Variants in PDPR observed in about 807,000 individuals in gnomAD.
PDPR encodes pyruvate dehydrogenase phosphatase regulatory subunit, mitochondrial.
In PDPR, 50 loss-of-function variants were observed where a neutral mutation model predicts 102.2. The observed-to-expected ratio is 0.49, with a 90% confidence interval of 0.39 to 0.62. PDPR has a LOEUF of 0.62. Among genes scored for constraint, PDPR ranks in the 20% least tolerant of loss-of-function variants. The pLI, the probability that PDPR is intolerant of heterozygous loss-of-function variation, is 0.00. For missense variants in PDPR, 625 were observed against 1,098.2 expected (o/e 0.57, Z 6.09); for synonymous variants, 259 against 406.0 (o/e 0.64, Z 4.35).
chr16:70,148,617 C>G, intron 17 of PDPR, 64 bp downstream of exon 17: 1 of 1,356,110 alleles, frequency 7.4e-7, no homozygotes, highest in Non-Finnish European at 1.0e-6. Flanking sequence ...CTTCCCTTCC[C>G]ACAACCACTG....
intron 18 of PDPR, among the ~76,000 whole-genome samples, chr16:70,153,843 G>A (rs1234967785): frequency 1.3e-5 from 2 of 152,242 alleles, no homozygotes; most frequent in Non-Finnish European, 2.9e-5. Flanking sequence ...TCAGGAGTTC[G>A]AGACCAGCCT....
chr16:70,131,280 A>G (rs1964510345), intron 7 of PDPR, 22 bp from the exon 8 acceptor site: 1 of 1,498,828 alleles, frequency 6.7e-7, no homozygotes, highest in Non-Finnish European at 9.1e-7. Context: ...TCCCACCCAC[A>G]AATCAACCTG....
chr16:70,131,851 A>T (rs1398695984), intron 8 of PDPR: 4 of 1,419,374 alleles, frequency 2.8e-6, no homozygotes. Context: ...CTCTCTGTTA[A>T]ACTTTCGCTT....
At chr16:70,114,279 C>G (rs1962401147), upstream of PDPR, 1 of 152,176 alleles carries the variant, frequency 6.6e-6, no homozygotes, top group African/African-American at 2.4e-5. Flanking sequence ...CGCGGAAGGT[C>G]GCGGTCTCGG....
At chr16:70,132,393 T>G in intron 9 of PDPR, 93 bp downstream of exon 9, 1 of 1,301,352 alleles carries the variant, frequency 7.7e-7, no homozygotes, top group Non-Finnish European at 1.1e-6. Flanking sequence ...TTGTTTAATG[T>G]TTATAACATC....
intron 9 of PDPR, among the ~76,000 whole-genome samples, chr16:70,133,768 T>C (rs1184411277): frequency 1.3e-5 from 2 of 151,092 alleles, no homozygotes; most frequent in Non-Finnish European, 2.9e-5. Flanking sequence ...AGTTTCACTC[T>C]TGTTGCCCAG....
At position 70,156,621 on chromosome 16, in the gene PDPR, G is replaced by A; in HGVS notation, c.2382G>A (p.Gln794=). Residue 794 remains glutamine, a synonymous_variant, in exon 19 of 19, where the codon CAG becomes CAA. Coordinates refer to ENST00000288050, the MANE Select transcript of PDPR (RefSeq NM_017990.5). ...WWGEPIYRNG[Q]YVGKTTSSAY... is the part of the protein sequence containing the mutation. ...GAGAGCCCATTTACCGGAATGGGCA[G>A]TATGTTGGCAAGACCACCAGCAGTG... is the stretch of plus-strand genomic sequence containing the variant. 6.2e-7 allele frequency: 1 copy of A among 1,614,116 alleles called. No individual in the cohort carries two copies. Among genetic ancestry groups the A allele is most frequent in the Non-Finnish European group, 8.5e-7 (1 of 1,179,912 alleles).
At chr16:70,152,491 C>A (rs912450443) in intron 17 of PDPR, among the ~76,000 whole-genome samples, 2 of 152,278 alleles carry the variant, frequency 1.3e-5, no homozygotes, top group Non-Finnish European at 2.9e-5. Flanking sequence ...TCACTCTAGC[C>A]TGGGCAAAAG....
chr16:70,145,582 A>G (rs900182220), intron 15 of PDPR: 19 of 354,486 alleles, frequency 5.4e-5, no homozygotes, highest in African/African-American at 8.6e-5. Context: ...CTCATTCTCA[A>G]TTCCTTGTAG....
intron 18 of PDPR, among the ~76,000 whole-genome samples, chr16:70,156,062 G>C (rs1967141784): frequency 6.6e-6 from 1 of 152,240 alleles, no homozygotes; most frequent in African/African-American, 2.4e-5. Flanking sequence ...GCTTATTTTT[G>C]TATTTTTAGT....
intron 9 of PDPR, 93 bp from the exon 10 acceptor site, chr16:70,136,101 C>T (rs8045700): frequency 1.1e-6 from 1 of 890,934 alleles, no homozygotes; most frequent in Non-Finnish European, 1.7e-6. Context: ...AAGAGGTTTT[C>T]TGAAAGGGGA....
chr16:70,119,150 A>T (rs62053469), intron 2 of PDPR, among the ~76,000 whole-genome samples: 48,943 of 151,658 alleles, frequency 0.32, 8,670 homozygotes, highest in Non-Finnish European at 0.39. Flanking sequence ...TGTTTTGCTG[A>T]TAGATTAAGT....
chr16:70,138,038 C>CTTTT (rs200071207), intron 10 of PDPR, among the ~76,000 whole-genome samples: 3,330 of 118,260 alleles, frequency 0.028, 143 homozygotes, highest in African/African-American at 0.1. Context: ...ATACCCAGCT[C>CTTTT]TTTTTTTTTT....
intron 11 of PDPR, among the ~76,000 whole-genome samples, chr16:70,140,787 C>G (rs1965630145): frequency 6.6e-6 from 1 of 152,098 alleles, no homozygotes; most frequent in South Asian, 2.1e-4. Context: ...TGCACTCTAG[C>G]CTGGGTGATA....
At chr16:70,135,466 A>G (rs1965028737) in intron 9 of PDPR, among the ~76,000 whole-genome samples, 1 of 152,226 alleles carries the variant, frequency 6.6e-6, no homozygotes, top group Non-Finnish European at 1.5e-5. Context: ...TGAACTCCTG[A>G]CCTCAGGTGA....
chr16:70,149,545 C>T (rs1292648253), intron 17 of PDPR, among the ~76,000 whole-genome samples: 2 of 152,278 alleles, frequency 1.3e-5, no homozygotes, highest in Non-Finnish European at 2.9e-5. Context: ...GGATTACAGG[C>T]ATGAGCTACC....
chr16:70,135,808 C>CTA (rs1185426872), intron 9 of PDPR, among the ~76,000 whole-genome samples: 10 of 152,256 alleles, frequency 6.6e-5, no homozygotes, highest in Admixed American at 6.5e-4. Context: ...TGGTTCACAC[C>CTA]TATAATCCTA....
chr16:70,151,560 G>A (rs188727200), intron 17 of PDPR, among the ~76,000 whole-genome samples: 68 of 152,366 alleles, frequency 4.5e-4, no homozygotes, highest in Non-Finnish European at 2.8e-4. Flanking sequence ...GTGCAGGCAG[G>A]TTGATTCTGA....
intron 11 of PDPR, among the ~76,000 whole-genome samples, chr16:70,140,386 G>T (rs550316077): frequency 1.5e-4 from 23 of 152,366 alleles, no homozygotes; most frequent in East Asian, 9.6e-4. Flanking sequence ...TTTTAAAGTT[G>T]AACTATTATA....
Sources: gnomAD v4.1 joint callset for allele counts (sites outside exome capture counted in the v4.1 genomes callset) on GRCh38, gnomAD v4.1.1 for gene constraint, MANE v1.5 for transcripts, NCBI Gene and HGNC (gene_info 2026-07-23, HGNC 2026-07-21) for gene names.